CLDN10: variants seen among roughly 807,000 people sequenced by gnomAD.
CLDN10 encodes the protein claudin 10, also known as claudin-10.
A neutral mutation model predicts 22.9 loss-of-function variants in CLDN10; 15 were observed. The ratio of observed to expected loss-of-function variants is 0.65; its 90% CI spans 0.44 to 1.01. The LOEUF (loss-of-function observed/expected upper bound fraction) is 1.01, where lower values mean the gene tolerates loss of function less well. Among genes scored for constraint, CLDN10 ranks in the 50% least tolerant of loss-of-function variants. The pLI is 0.00. For synonymous variants in CLDN10, 114 were observed against 111.4 expected (o/e 1.02, Z -0.15); for missense variants, 247 against 287.8 (o/e 0.86, Z 1.03).
At chr13:95,438,520 A>G (rs774757000) in intron 1 of CLDN10, among the ~76,000 whole-genome samples, 128 of 152,366 alleles carry the variant, frequency 8.4e-4, no homozygotes, top group African/African-American at 2.9e-3. Flanking sequence ...AATGACCACA[A>G]GACCCAAGTC....
chr13:95,458,090 C>T (rs1325716383), intron 1 of CLDN10, among the ~76,000 whole-genome samples: 1 of 152,152 alleles, frequency 6.6e-6, no homozygotes, highest in Non-Finnish European at 1.5e-5. Context: ...CTCTACCTGT[C>T]TACCTCCTAG....
chr13:95,447,742 C>CGTGT (rs5805934), intron 1 of CLDN10, among the ~76,000 whole-genome samples: 2,421 of 147,632 alleles, frequency 0.016, 17 homozygotes, highest in Admixed American at 0.022. Context: ...AGTGCACATG[C>CGTGT]GTGTGTGTGT....
At chr13:95,506,189 G>A (rs984387238) in intron 1 of CLDN10, among the ~76,000 whole-genome samples, 4 of 152,106 alleles carry the variant, frequency 2.6e-5, no homozygotes, top group Admixed American at 6.5e-5. Flanking sequence ...ACATGGGATG[G>A]ACTGGTGGAG....
chr13:95,453,151 A>G (rs1263702876), intron 1 of CLDN10, among the ~76,000 whole-genome samples: 1 of 152,212 alleles, frequency 6.6e-6, no homozygotes, highest in South Asian at 2.1e-4. Flanking sequence ...AACAAATGCT[A>G]TTATCTTTAC....
intron 1 of CLDN10, among the ~76,000 whole-genome samples, chr13:95,437,612 G>C (rs1210333466): frequency 5.3e-5 from 8 of 152,176 alleles, no homozygotes; most frequent in African/African-American, 1.7e-4. Flanking sequence ...CACATGCTGG[G>C]TTCCGGATAT....
chr13:95,556,752 C>G (rs567551189), intron 1 of CLDN10, among the ~76,000 whole-genome samples: 1 of 152,340 alleles, frequency 6.6e-6, no homozygotes, highest in East Asian at 1.9e-4. Context: ...GTACACAAAG[C>G]TACCAGGAAA....
At chr13:95,454,940 A>T (rs778370683) in intron 1 of CLDN10, among the ~76,000 whole-genome samples, 25 of 152,196 alleles carry the variant, frequency 1.6e-4, no homozygotes, top group Non-Finnish European at 3.4e-4. Flanking sequence ...CAATCCCAGC[A>T]CTTTGGGAGG....
intron 1 of CLDN10, among the ~76,000 whole-genome samples, chr13:95,468,518 G>A (rs117678845): frequency 1.1e-3 from 170 of 152,282 alleles, no homozygotes; most frequent in Non-Finnish European, 8.4e-4. Flanking sequence ...TTGAGGTCAC[G>A]AGTTTGAGGC....
Position 95,525,365 on chromosome 13 carries a change from G to T in CLDN10, c.215-34767G>T, listed in dbSNP as rs574998517. ...TTATTTGGGTTTTTATTATTGAGTT[G>T]TAAGAGTTCTTGATATATTCTGGAC... On this transcript the variant is annotated intron_variant, in intron 1 of 4. Transcript: ENST00000376873. Among the ~76,000 whole-genome samples the T allele has an allele frequency of 2.7e-3, 409 of 152,230 alleles. 1 individual carries two copies. Among genetic ancestry groups the T allele is most frequent in the African/African-American group, 9.4e-3 (389 of 41,538 alleles).
At chr13:95,441,664 C>T (rs555361588) in intron 1 of CLDN10, among the ~76,000 whole-genome samples, 167 of 152,334 alleles carry the variant, frequency 1.1e-3, no homozygotes, top group Non-Finnish European at 2.1e-3. Flanking sequence ...AATGCAGAAT[C>T]TCAGGCCCCA....
chr13:95,497,842 A>G (rs1168718586), intron 1 of CLDN10, among the ~76,000 whole-genome samples: 1 of 151,836 alleles, frequency 6.6e-6, no homozygotes, highest in African/African-American at 2.4e-5. Context: ...TTCTGGAAGG[A>G]AAGAAAAAAT....
intron 3 of CLDN10, among the ~76,000 whole-genome samples, chr13:95,572,499 T>C (rs752613527): frequency 6.6e-6 from 1 of 152,078 alleles, no homozygotes; most frequent in African/African-American, 2.4e-5. Context: ...CCCAGGCTTG[T>C]GATGAAGATT....
At chr13:95,551,041 C>A (rs1051236366), upstream of CLDN10, among the ~76,000 whole-genome samples, 1 of 151,918 alleles carries the variant, frequency 6.6e-6, no homozygotes. Flanking sequence ...TACATCAGGA[C>A]AAGCTGGGGT....
chr13:95,492,464 G>C (rs2042883431), intron 1 of CLDN10, among the ~76,000 whole-genome samples: 1 of 152,040 alleles, frequency 6.6e-6, no homozygotes, highest in African/African-American at 2.4e-5. Context: ...GGCAATCACA[G>C]GCCTCACCCA....
At chr13:95,491,240 C>T (rs749483050) in intron 1 of CLDN10, among the ~76,000 whole-genome samples, 5 of 152,172 alleles carry the variant, frequency 3.3e-5, no homozygotes, top group Middle Eastern at 3.4e-3. Flanking sequence ...AGCATTTAGA[C>T]CATTTATATT....
intron 1 of CLDN10, among the ~76,000 whole-genome samples, chr13:95,554,965 G>T (rs542236182): frequency 6.6e-6 from 1 of 151,332 alleles, no homozygotes; most frequent in African/African-American, 2.4e-5. Flanking sequence ...TTAATATTCA[G>T]TTCATACTGT....
chr13:95,475,355 C>T (rs1300484137), intron 1 of CLDN10, among the ~76,000 whole-genome samples: 1 of 152,198 alleles, frequency 6.6e-6, no homozygotes, highest in African/African-American at 2.4e-5. Context: ...GTAACCAGCC[C>T]GGCCTCCTGG....
chr13:95,510,495 G>C (rs544061670), intron 1 of CLDN10, among the ~76,000 whole-genome samples: 1 of 152,028 alleles, frequency 6.6e-6, no homozygotes, highest in African/African-American at 2.4e-5. Flanking sequence ...CTGTTTTCCC[G>C]GGTTAATGGT....
chr13:95,550,539 A>C (rs909777192), upstream of CLDN10, among the ~76,000 whole-genome samples: 3 of 152,208 alleles, frequency 2.0e-5, no homozygotes, highest in African/African-American at 7.2e-5. Flanking sequence ...TAAAGTATTA[A>C]ATTTGTGTAA....
Sources: allele counts gnomAD v4.1 joint callset (sites outside exome capture counted in the v4.1 genomes callset), GRCh38; gene constraint gnomAD v4.1.1; transcripts MANE v1.5; gene names NCBI Gene and HGNC (gene_info 2026-07-23, HGNC 2026-07-21).